Variants in CACNA1H observed in about 807,000 individuals in gnomAD.
CACNA1H encodes the protein voltage-dependent T-type calcium channel subunit alpha-1H.
Under a neutral mutation model 192.5 loss-of-function variants are expected in CACNA1H, and 149 were observed. The ratio of observed to expected loss-of-function variants is 0.77; its 90% confidence interval spans 0.68 to 0.89. The LOEUF (loss-of-function observed/expected upper bound fraction) is 0.89. Among genes scored for constraint, CACNA1H ranks in the 40% least tolerant of loss-of-function variants. The pLI is 0.00. For missense variants in CACNA1H, 4,257 were observed against 3,423.5 expected (o/e 1.24, Z -6.08); for synonymous variants, 2,202 against 1,475.2 (o/e 1.49, Z -11.29).
chr16:1,209,916 T>C, intron 17 of CACNA1H, 119 bp from the exon 18 acceptor site: 2 of 728,560 alleles, frequency 2.7e-6, no homozygotes, highest in Non-Finnish European at 4.5e-6. Flanking sequence ...GGGTGAGGAG[T>C]GAGGATGGAG....
In CACNA1H at chr16:1,220,866, A is replaced by G. The variant is rs58535913; in HGVS notation, c.6934A>G (p.Met2312Val). Reference sequence around the variant, plus strand: ...GGAACCCCCAGAATCAGAGCCTCCCATGCCCGTCGGTGACCCCCCAGAGAA... The same window carrying G: ...GGAACCCCCAGAATCAGAGCCTCCCGTGCCCGTCGGTGACCCCCCAGAGAA... The part of the protein sequence containing the change: ...PLEPPESEPP[M>V]PVGDPPEKRR... The change falls in exon 35 of 35, where the codon ATG becomes GTG. Residue 2312 changes from methionine (M) to valine (V), a missense_variant. Transcript: ENST00000348261. 2,121 of 1,612,560 alleles carry G rather than the reference A, an allele frequency of 1.3e-3. 10 individuals are homozygous for G. The highest frequency in any genetic ancestry group is 1.2e-3 in the Non-Finnish European group (1,362 of 1,179,768).
intron 2 of CACNA1H, chr16:1,157,679 T>C (rs966991779): frequency 6.6e-6 from 1 of 152,294 alleles, no homozygotes; most frequent in African/African-American, 2.4e-5. Flanking sequence ...GAACACTTTG[T>C]CTTAGCAGCG....
chr16:1,213,435 A>G lies in CACNA1H; in HGVS notation c.4778-345A>G, dbSNP rs147773037. ...AGTTGGGATGTGGGGGAGCCATCTC[A>G]GCTTCATACCCACTCCTGGGGGCTG... On this transcript the variant is annotated intron_variant, in intron 26 of 34. Transcript: ENST00000348261. Among the ~76,000 whole-genome samples, 247 of 152,148 alleles carry G rather than the reference A, an allele frequency of 1.6e-3. 3 individuals are homozygous for G. Among genetic ancestry groups the G allele is most frequent in the East Asian group, 0.013 (65 of 5,134 alleles).
rs532728575 is a variant in CACNA1H at position 1,167,260 on chromosome 16, C to G, written c.299+13224C>G. Among the ~76,000 whole-genome samples, 1 of 152,144 alleles carries G rather than the reference C, an allele frequency of 6.6e-6. No individual in the cohort carries two copies. Among genetic ancestry groups the G allele is most frequent in the Non-Finnish European group, 1.5e-5 (1 of 68,024 alleles). ...GGGTATGGGCCTCCTGTCAGCAGCC[C>G]GTCCCGGTGGGTGGGGCTTGCCGGC... On this transcript the variant is annotated intron_variant, in intron 2 of 34. Transcript: ENST00000348261. The surrounding 1 kb of genome is among the most constrained non-coding windows in gnomAD (Gnocchi z 4.2).
chr16:1,156,672 A>G (rs1032777735), intron 2 of CACNA1H, among the ~76,000 whole-genome samples: 1 of 152,096 alleles, frequency 6.6e-6, no homozygotes, highest in Non-Finnish European at 1.5e-5. Context: ...GGGAGGGATA[A>G]TCGGATTTGC....
At chr16:1,183,779 C>G (rs1965711667) in intron 2 of CACNA1H, among the ~76,000 whole-genome samples, 1 of 152,252 alleles carries the variant, frequency 6.6e-6, no homozygotes. Context: ...CACGGGTGAG[C>G]ACGTGACCTG....
At chr16:1,191,814 T>C (rs1364783663) in intron 2 of CACNA1H, among the ~76,000 whole-genome samples, 83 of 86,426 alleles carry the variant, frequency 9.6e-4, no homozygotes, top group African/African-American at 3.7e-3. Context: ...CACTCGGGGT[T>C]TCGGTGACCC....
Position 1,180,951 on chromosome 16 carries a change from C to T in CACNA1H, c.300-14021C>T, listed in dbSNP as rs1596339752. On this transcript the variant is annotated intron_variant, in intron 2 of 34. Coordinates refer to ENST00000348261, the MANE Select transcript of CACNA1H (RefSeq NM_021098.3). The surrounding 1 kb of genome is among the most constrained non-coding windows in gnomAD (Gnocchi z 4.4). The stretch of plus-strand genomic sequence containing the variant: ...GCAGGAAAGCGCCTTGGCGGGACTG[C>T]TTCCGCCAGCTTCCCGGCCAGACCC... 6.6e-6 allele frequency among the ~76,000 whole-genome samples: 1 copy of T among 152,334 alleles called. No homozygotes were observed. Among genetic ancestry groups the T allele is most frequent in the East Asian group, 1.9e-4 (1 of 5,174 alleles).
intron 32 of CACNA1H, 43 bp from the exon 33 acceptor site, chr16:1,218,167 C>A (rs760426974): frequency 1.3e-6 from 2 of 1,536,042 alleles, no homozygotes; most frequent in Admixed American, 3.9e-5. Context: ...GTGGCACCCG[C>A]GGGTGGGTGT....
At chr16:1,174,495 C>T (rs1357372579) in intron 2 of CACNA1H, among the ~76,000 whole-genome samples, 1 of 151,922 alleles carries the variant, frequency 6.6e-6, no homozygotes, top group Non-Finnish European at 1.5e-5. Flanking sequence ...TGCAGGGTGG[C>T]AGCTGGGGTG....
intron 2 of CACNA1H, among the ~76,000 whole-genome samples, chr16:1,157,490 G>A (rs926195038): frequency 4.6e-5 from 7 of 152,146 alleles, no homozygotes; most frequent in African/African-American, 7.2e-5. Flanking sequence ...CTGAACACTC[G>A]GCGCTGGGGC....
chr16:1,184,600 C>G (rs1359427804), intron 2 of CACNA1H, among the ~76,000 whole-genome samples: 1 of 152,270 alleles, frequency 6.6e-6, no homozygotes, highest in African/African-American at 2.4e-5. Context: ...TGGTGGAAGG[C>G]AGGTCTCAAG....
chr16:1,178,432 C>T (rs1019548294), intron 2 of CACNA1H, among the ~76,000 whole-genome samples: 2 of 151,706 alleles, frequency 1.3e-5, no homozygotes, highest in African/African-American at 4.8e-5. Context: ...CCAAGTGCCT[C>T]AGAATGTGAC....
chr16:1,211,699 C>G lies in CACNA1H; in HGVS notation c.4477-17C>G, dbSNP rs1969471405. ...CCAGCTCTAACCCTCGCCAGTGACC[C>G]TGGCTCTGGCCCTCAGGCCCTGATG... On this transcript the variant is annotated splice_polypyrimidine_tract_variant and intron_variant, in intron 23 of 34. Coordinates refer to ENST00000348261, the MANE Select transcript of CACNA1H (RefSeq NM_021098.3). 1.2e-6 allele frequency: 2 copies of G among 1,612,200 alleles called. No individual in the cohort carries two copies.
At chr16:1,200,155 G>C in intron 6 of CACNA1H, 101 bp from the exon 7 acceptor site, 5 of 948,294 alleles carry the variant, frequency 5.3e-6, no homozygotes, top group Middle Eastern at 2.2e-4. Flanking sequence ...CCCTGATCAC[G>C]TCCCTGACCT....
chr16:1,211,186 G>C lies in CACNA1H; in HGVS notation c.4242G>C (p.Pro1414=). Residue 1414 remains proline, a synonymous_variant, in exon 22 of 35, where the codon CCG becomes CCC. Coordinates refer to ENST00000348261, the MANE Select transcript of CACNA1H (RefSeq NM_021098.3). ...LRPLRVISRA[P]GLKLVVETLI... is the part of the protein sequence containing the mutation. ...CCTCCAGGGTCATCAGCCGGGCCCC[G>C]GGCCTCAAGCTGGTGGTGGAGACGC... 1 of 1,612,850 alleles carries C rather than the reference G, an allele frequency of 6.2e-7. No individual in the cohort carries two copies. The highest frequency in any genetic ancestry group is 8.5e-7 in the Non-Finnish European group (1 of 1,179,740).
chr16:1,198,563 A>C, intron 5 of CACNA1H, 52 bp from the exon 6 acceptor site: 2 of 1,595,474 alleles, frequency 1.3e-6, no homozygotes, highest in Non-Finnish European at 1.7e-6. Flanking sequence ...TGCAGCCCCG[A>C]GGACACTCCT....
chr16:1,159,772 C>A (rs1338651110), intron 2 of CACNA1H: 1 of 152,216 alleles, frequency 6.6e-6, no homozygotes, highest in Admixed American at 6.5e-5. Flanking sequence ...GCCCAGAGGG[C>A]GTGGCTGCTG....
intron 2 of CACNA1H, among the ~76,000 whole-genome samples, chr16:1,181,874 G>C (rs190389824): frequency 1.1e-3 from 166 of 152,258 alleles, no homozygotes; most frequent in African/African-American, 3.8e-3. Flanking sequence ...ACCCGGACAC[G>C]CGCCTCAGGT....
Sources: allele counts gnomAD v4.1 joint callset (sites outside exome capture counted in the v4.1 genomes callset), GRCh38; gene constraint gnomAD v4.1.1; non-coding constraint Gnocchi (gnomAD v3.1); transcripts MANE v1.5; gene names NCBI Gene and HGNC (gene_info 2026-07-23, HGNC 2026-07-21).